The following ERC1 variants were observed in gnomAD, a reference collection of about 807,000 sequenced individuals.
The protein encoded by ERC1 is ELKS/RAB6-interacting/CAST family member 1, also known as RAB6 interacting protein 2.
Under a neutral mutation model 132.0 loss-of-function variants are expected in ERC1, and 56 were observed. The observed-to-expected ratio is 0.42, with a 90% CI of 0.34 to 0.53. ERC1 has a LOEUF of 0.53. Ranked by LOEUF, ERC1 falls within the 20% of genes least tolerant of loss-of-function variation. The pLI is 0.03. For synonymous variants in ERC1, 478 were observed against 476.1 expected (o/e 1.00, Z -0.05); for missense variants, 1,202 against 1,349.9 (o/e 0.89, Z 1.72).
At chr12:1,103,199 G>C (rs76465591) in intron 3 of ERC1, among the ~76,000 whole-genome samples, 42 of 152,300 alleles carry the variant, frequency 2.8e-4, no homozygotes, top group Non-Finnish European at 5.3e-4. Flanking sequence ...GGAAAGAAGT[G>C]AAGTCTTCCC....
At position 1,003,119 on chromosome 12, in the gene ERC1, CA is replaced by C. The variant is rs34159893; in HGVS notation, c.-157+11808del. The stretch of plus-strand genomic sequence containing the variant: ...TGCAAAAAAAAAAAAAAAAAAGACT[CA>C]AAAAAAAAAAGAGAAAAGAAATGTG... On this transcript the variant is annotated intron_variant, in intron 1 of 18. Transcript: ENST00000360905. Among the ~76,000 whole-genome samples the C allele has an allele frequency of 9.9e-4, 84 of 84,796 alleles. No individual in the cohort carries two copies. In the Middle Eastern group the frequency reaches 0.029, roughly 29 times the overall value. 55.6% of individuals were successfully genotyped at this position (84,796 alleles called of 152,430 possible).
intron 14 of ERC1, among the ~76,000 whole-genome samples, chr12:1,269,145 A>G (rs549405768): frequency 7.7e-4 from 117 of 152,362 alleles, no homozygotes; most frequent in African/African-American, 2.5e-3. Context: ...ACTGATAAAC[A>G]AAGTAGCTGT....
At chr12:1,281,513 ATCT>A (rs1214874134) in intron 14 of ERC1, among the ~76,000 whole-genome samples, 1 of 152,180 alleles carries the variant, frequency 6.6e-6, no homozygotes, top group Non-Finnish European at 1.5e-5. Flanking sequence ...TGGTTGCCAC[ATCT>A]TCTTTGTTAC....
intron 18 of ERC1, among the ~76,000 whole-genome samples, chr12:1,484,901 G>A (rs2094178483): frequency 8.6e-6 from 1 of 116,426 alleles, no homozygotes; most frequent in Non-Finnish European, 1.8e-5. Flanking sequence ...CTTTTTTTGA[G>A]ACAGGGTCTC....
At chr12:1,433,978 CA>C (rs763612916) in intron 17 of ERC1, among the ~76,000 whole-genome samples, 418 of 46,306 alleles carry the variant, frequency 9.0e-3, no homozygotes, top group South Asian at 0.013. Context: ...GACCCTGTCT[CA>C]AAAAAAAAAA....
At chr12:1,022,946 TC>T (rs1467134366) in intron 1 of ERC1, among the ~76,000 whole-genome samples, 1 of 152,080 alleles carries the variant, frequency 6.6e-6, no homozygotes, top group South Asian at 2.1e-4. Flanking sequence ...AAGGGGCTCT[TC>T]CCCCTTTGCT....
intron 15 of ERC1, among the ~76,000 whole-genome samples, chr12:1,317,823 A>C (rs2081872977): frequency 6.6e-6 from 1 of 152,152 alleles, no homozygotes; most frequent in Non-Finnish European, 1.5e-5. Context: ...AACACTCTCT[A>C]TATACTTTCT....
intron 15 of ERC1, among the ~76,000 whole-genome samples, chr12:1,340,015 T>A (rs994762342): frequency 3.9e-5 from 6 of 152,146 alleles, no homozygotes; most frequent in African/African-American, 1.4e-4. Flanking sequence ...AGGCTTGCTG[T>A]AGGCCTGGGG....
intron 13 of ERC1, among the ~76,000 whole-genome samples, chr12:1,238,777 C>G (rs1036431413): frequency 6.6e-6 from 1 of 152,064 alleles, no homozygotes; most frequent in Non-Finnish European, 1.5e-5. Context: ...AATCTTCTCT[C>G]AGTTGTTATA....
chr12:1,239,450 G>A (rs1190565002), intron 13 of ERC1, among the ~76,000 whole-genome samples: 1 of 152,148 alleles, frequency 6.6e-6, no homozygotes, highest in Non-Finnish European at 1.5e-5. Flanking sequence ...AAATACAGCC[G>A]GCCATCGTGG....
chr12:1,295,595 A>G (rs927140207), intron 15 of ERC1, among the ~76,000 whole-genome samples: 5 of 152,188 alleles, frequency 3.3e-5, no homozygotes, highest in African/African-American at 9.6e-5. Flanking sequence ...CTGAGATAAC[A>G]CAAAAGATAG....
At chr12:1,214,534 C>T (rs1313257960) in intron 12 of ERC1, among the ~76,000 whole-genome samples, 1 of 152,160 alleles carries the variant, frequency 6.6e-6, no homozygotes, top group African/African-American at 2.4e-5. Context: ...CACTCCCCGC[C>T]TCCCGGCCTC....
intron 13 of ERC1, among the ~76,000 whole-genome samples, chr12:1,256,636 A>T (rs2076838766): frequency 6.6e-6 from 1 of 150,916 alleles, no homozygotes; most frequent in African/African-American, 2.5e-5. Flanking sequence ...AATCATAGTC[A>T]CAAGAAAATA....
chr12:1,424,863 TCGA>T, intron 17 of ERC1, among the ~76,000 whole-genome samples: 1 of 95,622 alleles, frequency 1.0e-5, no homozygotes, highest in African/African-American at 4.9e-5. Context: ...GATAGATAGA[TCGA>T]TAGATAGATA....
chr12:1,487,880 T>C (rs2094257635), intron 18 of ERC1, among the ~76,000 whole-genome samples: 1 of 152,022 alleles, frequency 6.6e-6, no homozygotes. Flanking sequence ...GACTCAGGCC[T>C]GTAATCCCAA....
At chr12:1,002,549 AG>A (rs1162158294) in intron 1 of ERC1, among the ~76,000 whole-genome samples, 5 of 151,914 alleles carry the variant, frequency 3.3e-5, no homozygotes, top group African/African-American at 1.2e-4. Flanking sequence ...CAGGAGTGAA[AG>A]TCCTGGGTCA....
At chr12:1,193,675 C>A (rs1272417333) in intron 12 of ERC1, among the ~76,000 whole-genome samples, 1 of 152,156 alleles carries the variant, frequency 6.6e-6, no homozygotes, top group Non-Finnish European at 1.5e-5. Context: ...CAGGATGGAA[C>A]CTGTTGCAGG....
At chr12:1,279,093 A>G (rs1410566287) in intron 14 of ERC1, among the ~76,000 whole-genome samples, 1 of 152,208 alleles carries the variant, frequency 6.6e-6, no homozygotes, top group Admixed American at 6.5e-5. Context: ...GTATAGGAAG[A>G]TAAAGCTAAA....
intron 16 of ERC1, among the ~76,000 whole-genome samples, chr12:1,384,352 A>G (rs889400261): frequency 3.9e-5 from 6 of 152,218 alleles, no homozygotes; most frequent in Non-Finnish European, 8.8e-5. Flanking sequence ...AGGAGAGGGT[A>G]AAATGATAAG....
Sources: gnomAD v4.1 joint callset for allele counts (sites outside exome capture counted in the v4.1 genomes callset) on GRCh38, gnomAD v4.1.1 for gene constraint, MANE v1.5 for transcripts, NCBI Gene and HGNC (gene_info 2026-07-23, HGNC 2026-07-21) for gene names.